CFAP20DC: variants seen among roughly 807,000 people sequenced by gnomAD.
The protein encoded by CFAP20DC is CFAP20 domain containing.
Under a neutral mutation model 101.7 loss-of-function variants are expected in CFAP20DC, and 84 were observed. The ratio of observed to expected loss-of-function variants is 0.83; its 90% CI spans 0.69 to 0.99. The LOEUF (loss-of-function observed/expected upper bound fraction) is 0.99. CFAP20DC is among the 50% of genes least tolerant of loss of function. The pLI is 0.00. For synonymous variants in CFAP20DC, 359 were observed against 351.2 expected, an observed-to-expected ratio of 1.02 and a Z score of -0.25; for missense variants, 1,007 against 970.3, an observed-to-expected ratio of 1.04 and a Z score of -0.50.
chr3:58,809,797 G>C (rs977117684), intron 14 of CFAP20DC, among the ~76,000 whole-genome samples: 3 of 152,058 alleles, frequency 2.0e-5, no homozygotes, highest in Admixed American at 2.0e-4. Flanking sequence ...AAAATTGATA[G>C]ACCTCCAGCA....
chr3:58,761,625 T>A (rs1459189008), intron 15 of CFAP20DC, among the ~76,000 whole-genome samples: 1 of 152,218 alleles, frequency 6.6e-6, no homozygotes, highest in Non-Finnish European at 1.5e-5. Context: ...TTAATTGTGA[T>A]GTTAGGGTGT....
In CFAP20DC at chr3:58,859,994, T is replaced by C. The variant is rs990121657; in HGVS notation, c.1593+3564A>G. Among the ~76,000 whole-genome samples, 6 of 151,808 alleles carry C rather than the reference T, an allele frequency of 4.0e-5. No homozygotes were observed. Among genetic ancestry groups the C allele is most frequent in the African/African-American group, 7.3e-5 (3 of 41,342 alleles). On this transcript the variant is annotated intron_variant, in intron 12 of 16. Transcript: ENST00000482387. This position sits in a 1 kb window ranked among gnomAD's most constrained non-coding sequence, Gnocchi z 4.1. The stretch of plus-strand genomic sequence containing the variant: ...GAGATCGAGACCATCCTGGCCAACA[T>C]GGTGAAACCCCGTCTCTACTAAAAA...
intron 3 of CFAP20DC, among the ~76,000 whole-genome samples, chr3:59,045,170 T>C (rs984469965): frequency 2.0e-5 from 3 of 152,130 alleles, no homozygotes; most frequent in African/African-American, 4.8e-5. Flanking sequence ...CTTTCACTTA[T>C]AACTTCTATG....
chr3:58,920,749 T>C (rs2085274989), intron 5 of CFAP20DC, among the ~76,000 whole-genome samples: 1 of 152,212 alleles, frequency 6.6e-6, no homozygotes, highest in African/African-American at 2.4e-5. Context: ...TTTATAGCTC[T>C]TTTGAGAACT....
Position 59,046,228 on chromosome 3 carries a change from C to T in CFAP20DC, c.205+1G>A, listed in dbSNP as rs550023785. On this transcript the variant is annotated splice_donor_variant, in intron 3 of 16. Coordinates refer to ENST00000482387, the MANE Select transcript of CFAP20DC (RefSeq NM_001394063.1). LOFTEE classifies it high-confidence loss of function. The stretch of plus-strand genomic sequence containing the variant: ...GTTTCAATATTAAAAATATTACTTA[C>T]GGCTTTGCTTATTCTCCTTTGGTAA... 18 of 1,522,080 alleles carry T rather than the reference C, an allele frequency of 1.2e-5. No homozygotes were observed. Among genetic ancestry groups the T allele is most frequent in the Middle Eastern group, 1.7e-4 (1 of 5,962 alleles). The allele number at this position is 1,522,080 out of a possible 1,614,324, so 94.3% of individuals were successfully genotyped here.
intron 6 of CFAP20DC, among the ~76,000 whole-genome samples, chr3:58,903,424 C>A (rs78175786): frequency 0.018 from 2,808 of 152,084 alleles, 97 homozygotes; most frequent in African/African-American, 0.063. Flanking sequence ...GTCTTATAGC[C>A]CTTTTTGAAA....
At chr3:58,743,208 CAG>C (rs1415586367) in intron 16 of CFAP20DC, among the ~76,000 whole-genome samples, 1 of 150,736 alleles carries the variant, frequency 6.6e-6, no homozygotes, top group East Asian at 2.0e-4. Flanking sequence ...ATGGATTGGA[CAG>C]AGAGGACAAC....
At chr3:58,765,892 T>A (rs1394013168) in intron 15 of CFAP20DC, among the ~76,000 whole-genome samples, 1 of 152,194 alleles carries the variant, frequency 6.6e-6, no homozygotes, top group Admixed American at 6.5e-5. Flanking sequence ...TAGCTCATTT[T>A]TGGGGACAAT....
At chr3:58,934,990 T>C (rs1390820832) in intron 5 of CFAP20DC, among the ~76,000 whole-genome samples, 2 of 152,300 alleles carry the variant, frequency 1.3e-5, no homozygotes, top group East Asian at 1.9e-4. Context: ...ATTGTCCCTG[T>C]TTGCAGATGA....
At chr3:58,911,743 G>A (rs2084180026) in intron 6 of CFAP20DC, among the ~76,000 whole-genome samples, 1 of 151,996 alleles carries the variant, frequency 6.6e-6, no homozygotes, top group African/African-American at 2.4e-5. Context: ...TTTCCTTCTT[G>A]TTAATTTTGA....
Position 58,868,238 on chromosome 3 carries a change from A to G in CFAP20DC, c.1016-302T>C, listed in dbSNP as rs1352807755. ...ATGGCATATTAAAAAACATTACAAA[A>G]TGAAACTGACAGCCAACACAGAAAA... On this transcript the variant is annotated intron_variant, in intron 9 of 16. Transcript: ENST00000482387. This position sits in a 1 kb window ranked among gnomAD's most constrained non-coding sequence, Gnocchi z 4.6. Among the ~76,000 whole-genome samples, 1 of 152,172 alleles carries G rather than the reference A, an allele frequency of 6.6e-6. No individual in the cohort carries two copies. The highest frequency in any genetic ancestry group is 1.5e-5 in the Non-Finnish European group (1 of 67,998).
At chr3:58,996,683 G>A (rs187877207) in intron 4 of CFAP20DC, among the ~76,000 whole-genome samples, 10 of 152,326 alleles carry the variant, frequency 6.6e-5, no homozygotes, top group African/African-American at 2.2e-4. Context: ...GAGCTGGAAC[G>A]TAAATTAAAT....
rs145775017 is a variant in CFAP20DC at position 58,838,368 on chromosome 3, A to T, written c.1972-6479T>A. The stretch of plus-strand genomic sequence containing the variant: ...AACCAGACTTGATGCTGCCTTTGAA[A>T]TATCTGTCATAAGCATTTTAGCATG... On this transcript the variant is annotated intron_variant, in intron 13 of 16. Transcript: ENST00000482387. 5.6e-4 allele frequency among the ~76,000 whole-genome samples: 86 copies of T among 152,300 alleles called. 1 individual carries two copies. The East Asian group carries it at 0.016, about 28-fold the overall frequency.
intron 4 of CFAP20DC, among the ~76,000 whole-genome samples, chr3:59,023,331 C>T (rs2093837623): frequency 6.6e-6 from 1 of 151,940 alleles, no homozygotes; most frequent in Non-Finnish European, 1.5e-5. Context: ...TAGTCCCTGC[C>T]CTCAAAGTAA....
chr3:58,963,190 T>G (rs865920384), intron 4 of CFAP20DC, among the ~76,000 whole-genome samples: 60 of 118,304 alleles, frequency 5.1e-4, no homozygotes, highest in Admixed American at 1.7e-3. Context: ...GTTCAGTAGT[T>G]TGTGTGTGTG....
At chr3:58,733,939 A>G (rs2067696232) in intron 3 of CFAP20DC, among the ~76,000 whole-genome samples, 1 of 152,228 alleles carries the variant, frequency 6.6e-6, no homozygotes, top group African/African-American at 2.4e-5. Flanking sequence ...TTAATATATT[A>G]AAGCATGTGA....
intron 6 of CFAP20DC, among the ~76,000 whole-genome samples, chr3:58,885,443 A>G (rs1270039927): frequency 3.9e-5 from 6 of 152,048 alleles, no homozygotes; most frequent in African/African-American, 1.4e-4. Context: ...TAATGAGCAT[A>G]TTCATCATCT....
In CFAP20DC at chr3:58,874,182, T is replaced by G. The variant is rs1027692176; in HGVS notation, c.716-3873A>C. Reference sequence around the variant, plus strand: ...GTCTAATGAATGGGACCACAATCCATCTGGTTTGAAAAGTCAGAATCTAGG... The same window carrying G: ...GTCTAATGAATGGGACCACAATCCAGCTGGTTTGAAAAGTCAGAATCTAGG... On this transcript the variant is annotated intron_variant, in intron 7 of 16. Coordinates refer to ENST00000482387, the MANE Select transcript of CFAP20DC (RefSeq NM_001394063.1). This position sits in a 1 kb window ranked among gnomAD's most constrained non-coding sequence, Gnocchi z 5.1. 6.6e-6 allele frequency among the ~76,000 whole-genome samples: 1 copy of G among 152,208 alleles called. No individual in the cohort carries two copies. Among genetic ancestry groups the G allele is most frequent in the African/African-American group, 2.4e-5 (1 of 41,458 alleles).
chr3:58,996,910 A>G (rs2093153980), intron 4 of CFAP20DC, among the ~76,000 whole-genome samples: 1 of 152,196 alleles, frequency 6.6e-6, no homozygotes, highest in African/African-American at 2.4e-5. Flanking sequence ...GTGGAGCCAC[A>G]GAGGTTCGCA....
Sources: allele counts gnomAD v4.1 joint callset (sites outside exome capture counted in the v4.1 genomes callset), GRCh38; gene constraint gnomAD v4.1.1; non-coding constraint Gnocchi (gnomAD v3.1); transcripts MANE v1.5; gene names NCBI Gene and HGNC (gene_info 2026-07-23, HGNC 2026-07-21).